MYRF: variants seen among roughly 807,000 people sequenced by gnomAD.
MYRF encodes the protein myelin regulatory factor, also known as myelin gene regulatory factor.
In MYRF, 16 loss-of-function variants were observed where a neutral mutation model predicts 126.3. The ratio of observed to expected loss-of-function variants is 0.13; its 90% CI spans 0.09 to 0.19. The LOEUF (loss-of-function observed/expected upper bound fraction) is 0.19. Ranked by LOEUF, MYRF falls within the 10% of genes least tolerant of loss-of-function variation. MYRF has a pLI of 1.00. For missense variants in MYRF, 1,104 were observed against 1,547.0 expected (o/e 0.71, Z 4.80); for synonymous variants, 608 against 635.3 (o/e 0.96, Z 0.65).
Position 61,757,508 on chromosome 11 carries a change from C to T in MYRF, c.46+4718C>T. The T allele has an allele frequency of 4.4e-6, 2 of 456,554 alleles. No homozygotes were observed. The highest frequency in any genetic ancestry group is 8.8e-6 in the Non-Finnish European group (2 of 226,906). 28.3% of individuals were successfully genotyped at this position (456,554 alleles called of 1,614,324 possible). On this transcript the variant is annotated intron_variant, in intron 1 of 26. Coordinates refer to ENST00000278836, the MANE Select transcript of MYRF (RefSeq NM_001127392.3). The surrounding 1 kb of genome is among the most constrained non-coding windows in gnomAD (Gnocchi z 4.7). ...CCCTACCTTGAAGATTACTGGTCCC[C>T]AGGGTAGGTCAGTGCCCCTAAGCTT...
chr11:61,779,580 A>G lies in MYRF; in HGVS notation c.2247+10A>G, dbSNP rs756239610. 6.7e-7 allele frequency: 1 copy of G among 1,490,324 alleles called. No homozygotes were observed. Among genetic ancestry groups the G allele is most frequent in the Non-Finnish European group, 8.9e-7 (1 of 1,120,192 alleles). The allele number at this position is 1,490,324 out of a possible 1,614,324, so 92.3% of individuals were successfully genotyped here. On this transcript the variant is annotated intron_variant, in intron 16 of 26. Transcript: ENST00000278836. ...CAAGGTGGCCAGCAAGGTAGGGGTG[A>G]GCAGGGATGGCAGGCGGGTTGGAAA...
Position 61,776,013 on chromosome 11 carries a change from G to A in MYRF, c.1312-43G>A, listed in dbSNP as rs375558493. 17 of 1,595,556 alleles carry A rather than the reference G, an allele frequency of 1.1e-5. No homozygotes were observed. The highest frequency in any genetic ancestry group is 6.7e-5 in the East Asian group (3 of 44,798). On this transcript the variant is annotated intron_variant, in intron 8 of 26. Coordinates refer to ENST00000278836, the MANE Select transcript of MYRF (RefSeq NM_001127392.3). The surrounding 1 kb of genome is among the most constrained non-coding windows in gnomAD (Gnocchi z 4.3). ...AGGGGGCAGGAGGGCAGGACCAGCC[G>A]GGTAGCCCCATCCTGAGGTGCCACT...
At chr11:61,759,606 G>A (rs1306035254) in intron 1 of MYRF, among the ~76,000 whole-genome samples, 5 of 152,104 alleles carry the variant, frequency 3.3e-5, no homozygotes, top group African/African-American at 9.7e-5. Flanking sequence ...GGAGGCGGAA[G>A]TTGCAGTGAG....
rs553922130 is a variant in MYRF at position 61,777,586 on chromosome 11, G to A, written c.1791+122G>A. On this transcript the variant is annotated intron_variant, in intron 12 of 26. Coordinates refer to ENST00000278836, the MANE Select transcript of MYRF (RefSeq NM_001127392.3). The surrounding 1 kb of genome is among the most constrained non-coding windows in gnomAD (Gnocchi z 8.8). ...GGAGCTGCGGGGGAAGGAAGGGAGG[G>A]AGGCTGGCCTCGAATCCCGATCTAA... The A allele has an allele frequency of 5.8e-6, 8 of 1,376,130 alleles. 1 individual carries two copies. In the African/African-American group the frequency reaches 7.2e-5, roughly 12 times the overall value. The allele number at this position is 1,376,130 out of a possible 1,614,324, so 85.2% of individuals were successfully genotyped here. A position where few individuals can be genotyped will look rare whatever the true frequency, so the allele number is the denominator to read the frequency against.
At chr11:61,766,659 C>T (rs915522157) in intron 3 of MYRF, 6 of 247,174 alleles carry the variant, frequency 2.4e-5, no homozygotes, top group African/African-American at 1.4e-4. Flanking sequence ...CTCAGTTCCC[C>T]CCTACCCAAG....
rs1432691715 is a variant in MYRF, at chr11:61,757,373, G to A, written c.46+4583G>A. On this transcript the variant is annotated intron_variant, in intron 1 of 26. Coordinates refer to ENST00000278836, the MANE Select transcript of MYRF (RefSeq NM_001127392.3). This position sits in a 1 kb window ranked among gnomAD's most constrained non-coding sequence, Gnocchi z 4.7. ...GCCTCCGCTTTCTCATCTGTAAAAC[G>A]GGAGTGCAGTTGTAATGGCAGGGCC... 6 of 453,942 alleles carry A rather than the reference G, an allele frequency of 1.3e-5. No homozygotes were observed. The highest frequency in any genetic ancestry group is 4.7e-5 in the Admixed American group (2 of 42,490). The allele number at this position is 453,942 out of a possible 1,614,324, so 28.1% of individuals were successfully genotyped here. A position where few individuals can be genotyped will look rare whatever the true frequency, so the allele number is the denominator to read the frequency against.
Position 61,769,571 on chromosome 11 carries a change from C to T in MYRF, c.460+250C>T, listed in dbSNP as rs562467223. Among the ~76,000 whole-genome samples, 4 of 152,302 alleles carry T rather than the reference C, an allele frequency of 2.6e-5. No individual in the cohort carries two copies. In the East Asian group the frequency reaches 7.7e-4, roughly 29 times the overall value. On this transcript the variant is annotated intron_variant, in intron 4 of 26. Coordinates refer to ENST00000278836, the MANE Select transcript of MYRF (RefSeq NM_001127392.3). Reference sequence around the variant, plus strand: ...GCCCGCCTGCGCCATCATGGACGCACCCTTCGGCGGTAAGTGGGTGGCTGG... The same window carrying T: ...GCCCGCCTGCGCCATCATGGACGCATCCTTCGGCGGTAAGTGGGTGGCTGG...
In MYRF at chr11:61,776,681, C is replaced by T. The variant is rs560220004; in HGVS notation, c.1500-106C>T. 9 of 960,812 alleles carry T rather than the reference C, an allele frequency of 9.4e-6. No individual in the cohort carries two copies. The highest frequency in any genetic ancestry group is 1.4e-5 in the Non-Finnish European group (9 of 650,224). The allele number at this position is 960,812 out of a possible 1,614,324, so 59.5% of individuals were successfully genotyped here. A position where few individuals can be genotyped will look rare whatever the true frequency, so the allele number is the denominator to read the frequency against. On this transcript the variant is annotated intron_variant, in intron 10 of 26. Coordinates refer to ENST00000278836, the MANE Select transcript of MYRF (RefSeq NM_001127392.3). This position sits in a 1 kb window ranked among gnomAD's most constrained non-coding sequence, Gnocchi z 4.3. ...TGCCCCCTGGTGGAGGCTCGGGTTC[C>T]TCCTCTGTAGGAGGGGGTGAGATGA... is the stretch of plus-strand genomic sequence containing the variant.
At chr11:61,784,706 G>A in intron 25 of MYRF, 1 of 277,540 alleles carries the variant, frequency 3.6e-6, no homozygotes, top group East Asian at 8.4e-5. Context: ...GGAGGGCTGT[G>A]GCTCACTGGA....
At chr11:61,765,820 C>A in intron 2 of MYRF, 108 bp downstream of exon 2, 1 of 1,413,452 alleles carries the variant, frequency 7.1e-7, no homozygotes, top group Non-Finnish European at 9.6e-7. Context: ...TGTGGTCCCA[C>A]CTCTGAAAGC....
rs767998421 is a variant in MYRF, at chr11:61,780,736, T to C, written c.2430T>C (p.Cys810=). ...TDGSFAVSTS[C]LLALLRPQPP... ...GCTCTTTTGCCGTGTCCACTTCCTG[T>C]CTCCTGGCCCTGCTCCGGCCCCAGC... Residue 810 remains cysteine, a synonymous_variant, in exon 19 of 27, where the codon TGT becomes TGC. Coordinates refer to ENST00000278836, the MANE Select transcript of MYRF (RefSeq NM_001127392.3). 8 of 1,549,312 alleles carry C rather than the reference T, an allele frequency of 5.2e-6. No individual in the cohort carries two copies. The highest frequency in any genetic ancestry group is 8.7e-7 in the Non-Finnish European group (1 of 1,147,064).
In MYRF at chr11:61,766,204, G is replaced by A; in HGVS notation, c.381G>A (p.Lys127=). 1 of 1,608,720 alleles carries A rather than the reference G, an allele frequency of 6.2e-7. No homozygotes were observed. The highest frequency in any genetic ancestry group is 1.1e-5 in the South Asian group (1 of 90,870). ...GGCCCCCCATCAAGGCTGAGCCCAA[G>A]GCTCCCTATGCCCCAGGGTGAGTAA... ...GTGPPIKAEP[K]APYAPGTLPD... The change falls in exon 3 of 27, where the codon AAG becomes AAA. Residue 127 remains lysine, a synonymous_variant. Coordinates refer to ENST00000278836, the MANE Select transcript of MYRF (RefSeq NM_001127392.3).
intron 7 of MYRF, among the ~76,000 whole-genome samples, chr11:61,773,004 CTTTTTTTTTTT>C (rs144470023): frequency 9.2e-5 from 12 of 130,630 alleles, no homozygotes; most frequent in African/African-American, 3.4e-4. Flanking sequence ...AACAGTTGCT[CTTTTTTTTTTT>C]TTTTTTTTGA....
At chr11:61,760,739 G>A (rs945580534) in intron 1 of MYRF, among the ~76,000 whole-genome samples, 12 of 152,162 alleles carry the variant, frequency 7.9e-5, no homozygotes, top group Non-Finnish European at 1.6e-4. Context: ...TCACTCCATG[G>A]CAGGGATTCG....
At chr11:61,773,743 A>G (rs907560361) in intron 7 of MYRF, among the ~76,000 whole-genome samples, 1 of 152,138 alleles carries the variant, frequency 6.6e-6, no homozygotes, top group Non-Finnish European at 1.5e-5. Flanking sequence ...GGCCTAAGGC[A>G]TGGGGTATAG....
At chr11:61,773,004 CTTTTT>C (rs144470023) in intron 7 of MYRF, among the ~76,000 whole-genome samples, 24 of 130,572 alleles carry the variant, frequency 1.8e-4, no homozygotes, top group Non-Finnish European at 1.8e-4. Context: ...AACAGTTGCT[CTTTTT>C]TTTTTTTTTT....
At chr11:61,769,978 T>G (rs1368728724) in intron 4 of MYRF, among the ~76,000 whole-genome samples, 1 of 151,764 alleles carries the variant, frequency 6.6e-6, no homozygotes, top group Admixed American at 6.5e-5. Flanking sequence ...CCTTTAGATT[T>G]GGGTTGGATT....
At position 61,780,998 on chromosome 11, in the gene MYRF, C is replaced by T. The variant is rs142634508; in HGVS notation, c.2525C>T (p.Ser842Phe). Residue 842 changes from serine (S) to phenylalanine (F), a missense_variant, in exon 20 of 27, where the codon TCC becomes TTC. By Grantham distance (155) the Ser-to-Phe change is radical. This residue lies in a region of MYRF where 323 missense variants were observed against 383.1 expected (regional missense o/e 0.84). Transcript: ENST00000278836. Reference sequence around the variant, plus strand: ...TTTGGGACCACGCAGCTCCGACAGTCCCCCTTGACCACGGGGCTACCAGGC... The same window carrying T: ...TTTGGGACCACGCAGCTCCGACAGTTCCCCTTGACCACGGGGCTACCAGGC... ...QSFGTTQLRQ[S>F]PLTTGLPGIQ... is the part of the protein sequence containing the mutation. The T allele has an allele frequency of 2.7e-5, 43 of 1,610,076 alleles. No individual in the cohort carries two copies. The highest frequency in any genetic ancestry group is 1.7e-4 in the Middle Eastern group (1 of 6,004).
intron 1 of MYRF, among the ~76,000 whole-genome samples, chr11:61,760,760 G>C (rs1485486724): frequency 3.3e-5 from 5 of 152,186 alleles, no homozygotes. Flanking sequence ...TGCTCCATCT[G>C]ATGGAGAAGG....
Sources: gnomAD v4.1 joint callset for allele counts (sites outside exome capture counted in the v4.1 genomes callset) on GRCh38, gnomAD v4.1.1 for gene constraint, gnomAD v4.1.1 regional missense constraint, Gnocchi (gnomAD v3.1) non-coding constraint, MANE v1.5 for transcripts, NCBI Gene and HGNC (gene_info 2026-07-23, HGNC 2026-07-21) for gene names.